The following A2ML1 variants were observed in gnomAD, a reference collection of about 807,000 sequenced individuals.
A2ML1 encodes alpha-2-macroglobulin like 1, also known as alpha-2-macroglobulin-like protein 1.
Under a neutral mutation model 181.9 loss-of-function variants are expected in A2ML1, and 161 were observed. The observed-to-expected ratio is 0.89, with a 90% CI of 0.78 to 1.01. A2ML1 has a LOEUF of 1.01. A2ML1 is among the 50% of genes least tolerant of loss of function. The pLI, the probability that A2ML1 is intolerant of heterozygous loss-of-function variation, is 0.00. For synonymous variants in A2ML1, 663 were observed against 666.8 expected, an observed-to-expected ratio of 0.99 and a Z score of 0.09; for missense variants, 1,670 against 1,768.1, an observed-to-expected ratio of 0.94 and a Z score of 1.00.
At chr12:8,825,780 G>A (rs1037545303) in intron 3 of A2ML1, among the ~76,000 whole-genome samples, 1 of 152,114 alleles carries the variant, frequency 6.6e-6, no homozygotes, top group Non-Finnish European at 1.5e-5. Context: ...TCTATATGGA[G>A]AGAGATGAGG....
chr12:8,867,832 T>A lies in A2ML1; in HGVS notation c.3718-10T>A, dbSNP rs1352265434. 1.9e-6 allele frequency: 3 copies of A among 1,612,582 alleles called. No individual in the cohort carries two copies. Among genetic ancestry groups the A allele is most frequent in the Admixed American group, 3.3e-5 (2 of 60,006 alleles). ...AAAATGGTAAGTATACGTTTGGTTG[T>A]TTCCCTCAGGATACTGTAGTTGCTC... On this transcript the variant is annotated splice_polypyrimidine_tract_variant and intron_variant, in intron 29 of 35. Transcript: ENST00000299698.
chr12:8,880,377 G>C (rs1944859135), downstream of A2ML1: 1 of 152,062 alleles, frequency 6.6e-6, no homozygotes, highest in African/African-American at 2.4e-5. Flanking sequence ...AAAAAAAGAG[G>C]TGGGGAGAAA....
Position 8,845,115 on chromosome 12 carries a change from C to G in A2ML1, c.1477-327C>G. 3 of 1,459,424 alleles carry G rather than the reference C, an allele frequency of 2.1e-6. No homozygotes were observed. The South Asian group carries it at 4.2e-5, about 20-fold the overall frequency. The allele number at this position is 1,459,424 out of a possible 1,614,324, so 90.4% of individuals were successfully genotyped here. ...ATAGATTTTCGCTGACTTTCTGTTA[C>G]AAAGATTATAAGAAAATAAAATTTG... On this transcript the variant is annotated intron_variant, in intron 12 of 35. Transcript: ENST00000299698.
chr12:8,836,822 C>T (rs953024109), intron 7 of A2ML1, among the ~76,000 whole-genome samples: 2 of 151,830 alleles, frequency 1.3e-5, no homozygotes, highest in Non-Finnish European at 2.9e-5. Context: ...TGTTTTTTTC[C>T]ATTGCTCACT....
chr12:8,843,793 A>G (rs1943572680), intron 12 of A2ML1, among the ~76,000 whole-genome samples: 1 of 145,734 alleles, frequency 6.9e-6, no homozygotes, highest in African/African-American at 2.6e-5. Flanking sequence ...TTCTTGGCTC[A>G]CTGCAAGCTC....
Position 8,852,454 on chromosome 12 carries a change from T to A in A2ML1, c.2590+118T>A, listed in dbSNP as rs1943926631. 6.8e-7 allele frequency: 1 copy of A among 1,463,026 alleles called. No individual in the cohort carries two copies. Among genetic ancestry groups the A allele is most frequent in the Non-Finnish European group, 9.3e-7 (1 of 1,072,694 alleles). 90.6% of individuals were successfully genotyped at this position (1,463,026 alleles called of 1,614,324 possible). ...GCTTCCTCCTCCATTTTCCACTATT[T>A]TTCTCCCTCCTAAGGCTGTTATAAG... On this transcript the variant is annotated intron_variant, in intron 20 of 35. Transcript: ENST00000299698. This position sits in a 1 kb window ranked among gnomAD's most constrained non-coding sequence, Gnocchi z 4.2.
At chr12:8,841,844 T>C (rs1463969612) in intron 11 of A2ML1, among the ~76,000 whole-genome samples, 1 of 152,160 alleles carries the variant, frequency 6.6e-6, no homozygotes, top group Admixed American at 6.6e-5. Context: ...TCAGAGTCTT[T>C]TTCTTTCTCT....
intron 7 of A2ML1, among the ~76,000 whole-genome samples, chr12:8,836,645 G>C (rs780912003): frequency 6.6e-6 from 1 of 151,960 alleles, no homozygotes; most frequent in South Asian, 2.1e-4. Context: ...CACCATGCCT[G>C]GCTAATGTTT....
At chr12:8,856,316 T>G (rs1192641191) in intron 23 of A2ML1, among the ~76,000 whole-genome samples, 1 of 152,240 alleles carries the variant, frequency 6.6e-6, no homozygotes, top group East Asian at 1.9e-4. Context: ...TGTATTAGAG[T>G]TCACTGTCTA....
At chr12:8,869,007 G>C (rs1343306419) in intron 32 of A2ML1, 128 bp from the exon 33 acceptor site, 5 of 839,062 alleles carry the variant, frequency 6.0e-6, no homozygotes, top group Non-Finnish European at 9.7e-6. Context: ...ACTTGTAATA[G>C]TCTTGGTTCC....
chr12:8,861,393 T>C, intron 28 of A2ML1, 96 bp downstream of exon 28: 1 of 1,378,914 alleles, frequency 7.3e-7, no homozygotes, highest in South Asian at 1.3e-5. Context: ...ACATGTACTC[T>C]AGGATTCATT....
At chr12:8,831,832 C>T (rs931675694) in intron 4 of A2ML1, among the ~76,000 whole-genome samples, 1 of 152,096 alleles carries the variant, frequency 6.6e-6, no homozygotes, top group Non-Finnish European at 1.5e-5. Context: ...TCGCCGCAAC[C>T]TCTGCCTCCC....
intron 29 of A2ML1, among the ~76,000 whole-genome samples, chr12:8,867,059 A>G (rs1944447989): frequency 6.6e-6 from 1 of 152,184 alleles, no homozygotes; most frequent in South Asian, 2.1e-4. Flanking sequence ...TATAATGGCT[A>G]AGAAGCCAGC....
chr12:8,846,503 A>G (rs1266710543), intron 14 of A2ML1, among the ~76,000 whole-genome samples: 1 of 152,120 alleles, frequency 6.6e-6, no homozygotes, highest in African/African-American at 2.4e-5. Context: ...TCAAGGGTTC[A>G]AGACCAGCCT....
chr12:8,833,813 G>A (rs1943191504), intron 4 of A2ML1, among the ~76,000 whole-genome samples: 2 of 152,052 alleles, frequency 1.3e-5, no homozygotes, highest in African/African-American at 2.4e-5. Context: ...CTAGCTCATC[G>A]TGATCCTTAG....
At position 8,852,273 on chromosome 12, in the gene A2ML1, T is replaced by G. The variant is rs1943919317; in HGVS notation, c.2527T>G (p.Ser843Ala). The change falls in exon 20 of 36, where the codon TCC (serine) becomes GCC (alanine). Residue 843 changes from serine (S) to alanine (A), a missense_variant. Coordinates refer to ENST00000299698, the MANE Select transcript of A2ML1 (RefSeq NM_144670.6). This position sits in a 1 kb window ranked among gnomAD's most constrained non-coding sequence, Gnocchi z 4.2. Reference protein sequence around the residue: ...QLESWADSQTSSCLCADDAKT... With the variant: ...QLESWADSQTASCLCADDAKT... ...AGAATCATGGGCAGATTCTCAGACCTCCAGTTGTCTCTGTGCTGATGACGC... is the reference window on the plus strand; with the variant it reads ...AGAATCATGGGCAGATTCTCAGACCGCCAGTTGTCTCTGTGCTGATGACGC... The G allele has an allele frequency of 6.2e-7, 1 of 1,614,100 alleles. No individual in the cohort carries two copies. The highest frequency in any genetic ancestry group is 8.5e-7 in the Non-Finnish European group (1 of 1,180,026).
chr12:8,834,612 T>C, intron 4 of A2ML1, 50 bp from the exon 5 acceptor site: 1 of 1,606,796 alleles, frequency 6.2e-7, no homozygotes, highest in Non-Finnish European at 8.5e-7. Context: ...AAACTTATTC[T>C]TATTGCTGTC....
chr12:8,867,788 G>A (rs1010469158), intron 29 of A2ML1, 54 bp from the exon 30 acceptor site: 2 of 1,524,528 alleles, frequency 1.3e-6, no homozygotes, highest in South Asian at 1.1e-5. Flanking sequence ...GTTGTTCAAG[G>A]TTAATTCCAA....
intron 33 of A2ML1, among the ~76,000 whole-genome samples, chr12:8,872,919 T>G (rs1489428051): frequency 6.6e-6 from 1 of 152,214 alleles, no homozygotes; most frequent in Non-Finnish European, 1.5e-5. Context: ...TATTTACTCC[T>G]ACATTCAAAC....
Sources: gnomAD v4.1 joint callset for allele counts (sites outside exome capture counted in the v4.1 genomes callset) on GRCh38, gnomAD v4.1.1 for gene constraint, Gnocchi (gnomAD v3.1) non-coding constraint, MANE v1.5 for transcripts, NCBI Gene and HGNC (gene_info 2026-07-23, HGNC 2026-07-21) for gene names.